CNTNAP2: variants seen among roughly 807,000 people sequenced by gnomAD.
The protein encoded by CNTNAP2 is contactin-associated protein-like 2.
Under a neutral mutation model 155.2 loss-of-function variants are expected in CNTNAP2, and 98 were observed. The observed-to-expected ratio is 0.63, with a 90% confidence interval of 0.54 to 0.75. The LOEUF (loss-of-function observed/expected upper bound fraction) is 0.75, where lower values mean the gene tolerates loss of function less well. Ranked by LOEUF, CNTNAP2 falls within the 30% of genes least tolerant of loss-of-function variation. The pLI is 0.00. For synonymous variants in CNTNAP2, 651 were observed against 631.2 expected (o/e 1.03, Z -0.47); for missense variants, 1,727 against 1,688.1 (o/e 1.02, Z -0.40).
At chr7:147,564,934 G>A (rs766245804) in intron 12 of CNTNAP2, among the ~76,000 whole-genome samples, 2 of 152,180 alleles carry the variant, frequency 1.3e-5, no homozygotes, top group East Asian at 1.9e-4. Flanking sequence ...GCACCTTTCA[G>A]TTCTTTGCCA....
intron 1 of CNTNAP2, among the ~76,000 whole-genome samples, chr7:146,755,562 A>G (rs1801981615): frequency 6.6e-6 from 1 of 152,030 alleles, no homozygotes; most frequent in Non-Finnish European, 1.5e-5. Flanking sequence ...TATGTTTCAA[A>G]TAACACTACC....
rs1799968998 is a variant in CNTNAP2, at chr7:148,415,649, G to GGGAATTACTA, written c.*36_*45dup. ...CTACTTGGCTATGGGATAGGGAGGA[G>GGGAATTACTA]GGAATTACTAGGGAGGAGAGAAAGG... On this transcript the variant is annotated 3_prime_UTR_variant, in exon 24 of 24. Coordinates refer to ENST00000361727, the MANE Select transcript of CNTNAP2 (RefSeq NM_014141.6). 6.2e-7 allele frequency: 1 copy of GGGAATTACTA among 1,611,616 alleles called. No homozygotes were observed. The highest frequency in any genetic ancestry group is 8.5e-7 in the Non-Finnish European group (1 of 1,179,334).
chr7:146,652,086 G>A (rs1170881900), intron 1 of CNTNAP2, among the ~76,000 whole-genome samples: 1 of 151,906 alleles, frequency 6.6e-6, no homozygotes, highest in Non-Finnish European at 1.5e-5. Flanking sequence ...AATGCAAAAG[G>A]AAATTCCCAA....
At chr7:148,034,323 A>G (rs140222672) in intron 15 of CNTNAP2, among the ~76,000 whole-genome samples, 2,130 of 152,180 alleles carry the variant, frequency 0.014, 20 homozygotes, top group Non-Finnish European at 0.021. Flanking sequence ...CCCAAAGTGC[A>G]TGTGTTGGAA....
intron 21 of CNTNAP2, among the ~76,000 whole-genome samples, chr7:148,359,820 A>G (rs1798582954): frequency 6.6e-6 from 1 of 152,362 alleles, no homozygotes; most frequent in East Asian, 1.9e-4. Context: ...AGGAAATCAC[A>G]GTCGTTAGTT....
At chr7:146,376,676 G>A (rs190322275) in intron 1 of CNTNAP2, among the ~76,000 whole-genome samples, 1 of 152,118 alleles carries the variant, frequency 6.6e-6, no homozygotes, top group East Asian at 1.9e-4. Flanking sequence ...TGAACACATT[G>A]TTACGGTATA....
chr7:146,561,025 A>G (rs535919480), intron 1 of CNTNAP2, among the ~76,000 whole-genome samples: 1 of 152,308 alleles, frequency 6.6e-6, no homozygotes, highest in East Asian at 1.9e-4. Flanking sequence ...AGTGTCAATT[A>G]TATATTATAA....
chr7:146,509,258 A>G (rs1797431275), intron 1 of CNTNAP2, among the ~76,000 whole-genome samples: 1 of 152,198 alleles, frequency 6.6e-6, no homozygotes. Flanking sequence ...GGCCTCCATC[A>G]GCCATTCAAT....
intron 11 of CNTNAP2, among the ~76,000 whole-genome samples, chr7:147,541,453 T>C (rs1799637304): frequency 6.6e-6 from 1 of 151,966 alleles, no homozygotes; most frequent in Non-Finnish European, 1.5e-5. Flanking sequence ...CAAACAGCTG[T>C]TGTTGTTGTT....
At chr7:146,922,143 A>G (rs548895808) in intron 3 of CNTNAP2, among the ~76,000 whole-genome samples, 2 of 152,220 alleles carry the variant, frequency 1.3e-5, no homozygotes, top group African/African-American at 2.4e-5. Flanking sequence ...ATACACATAT[A>G]TATATAAAAC....
chr7:147,761,833 C>A (rs1488385882), intron 13 of CNTNAP2, among the ~76,000 whole-genome samples: 1 of 152,028 alleles, frequency 6.6e-6, no homozygotes, highest in Non-Finnish European at 1.5e-5. Flanking sequence ...TCCATTAAGG[C>A]TAGATTTTCC....
chr7:147,587,871 T>G (rs1004408719), intron 12 of CNTNAP2, among the ~76,000 whole-genome samples: 2 of 152,174 alleles, frequency 1.3e-5, no homozygotes, highest in African/African-American at 4.8e-5. Context: ...AAAATTGCAT[T>G]ATTTAAAAGT....
intron 13 of CNTNAP2, among the ~76,000 whole-genome samples, chr7:147,684,229 C>T (rs953900823): frequency 6.6e-6 from 1 of 151,770 alleles, no homozygotes; most frequent in Non-Finnish European, 1.5e-5. Flanking sequence ...GCTTCTGGCC[C>T]TAATGTGCCC....
At chr7:146,510,913 T>G (rs1797455918) in intron 1 of CNTNAP2, among the ~76,000 whole-genome samples, 1 of 152,152 alleles carries the variant, frequency 6.6e-6, no homozygotes, top group African/African-American at 2.4e-5. Context: ...TTCTTTGTTT[T>G]TGAGAGGGAG....
At chr7:147,326,233 C>G (rs1355637958) in intron 9 of CNTNAP2, among the ~76,000 whole-genome samples, 1 of 152,164 alleles carries the variant, frequency 6.6e-6, no homozygotes, top group African/African-American at 2.4e-5. Context: ...CACCAGCATT[C>G]TACTTGCTAT....
intron 1 of CNTNAP2, among the ~76,000 whole-genome samples, chr7:146,462,972 A>G (rs920508226): frequency 2.6e-5 from 4 of 152,140 alleles, no homozygotes; most frequent in Admixed American, 1.3e-4. Flanking sequence ...TGGAGGAGGA[A>G]ACAATGCATC....
At chr7:146,762,921 T>A (rs1194194645) in intron 1 of CNTNAP2, among the ~76,000 whole-genome samples, 1 of 152,032 alleles carries the variant, frequency 6.6e-6, no homozygotes, top group Non-Finnish European at 1.5e-5. Context: ...ACTGGGTCCC[T>A]CCCATGACAT....
chr7:147,375,982 G>A (rs2116922580), intron 9 of CNTNAP2, among the ~76,000 whole-genome samples: 1 of 152,126 alleles, frequency 6.6e-6, no homozygotes, highest in Admixed American at 6.6e-5. Flanking sequence ...CTAGAAATGT[G>A]AAGACACAAG....
intron 1 of CNTNAP2, among the ~76,000 whole-genome samples, chr7:146,166,994 A>T (rs939310628): frequency 1.3e-5 from 2 of 152,240 alleles, no homozygotes; most frequent in African/African-American, 2.4e-5. Flanking sequence ...CCTGACATGT[A>T]GGGGGAAGGA....
Sources: allele counts gnomAD v4.1 joint callset (sites outside exome capture counted in the v4.1 genomes callset), GRCh38; gene constraint gnomAD v4.1.1; transcripts MANE v1.5; gene names NCBI Gene and HGNC (gene_info 2026-07-23, HGNC 2026-07-21).